The following SRGAP1 variants were observed in gnomAD, a reference collection of about 807,000 sequenced individuals.
The protein encoded by SRGAP1 is SLIT-ROBO Rho GTPase-activating protein 1.
A neutral mutation model predicts 121.9 loss-of-function variants in SRGAP1; 43 were observed. The observed-to-expected ratio is 0.35, with a 90% CI of 0.28 to 0.46. The LOEUF (loss-of-function observed/expected upper bound fraction) is 0.46, where lower values mean the gene tolerates loss of function less well. Ranked by LOEUF, SRGAP1 falls within the 20% of genes least tolerant of loss-of-function variation. The pLI, the probability that SRGAP1 is intolerant of heterozygous loss-of-function variation, is 1.00. For missense variants in SRGAP1, 1,102 were observed against 1,350.9 expected (o/e 0.82, Z 2.89); for synonymous variants, 447 against 485.4 (o/e 0.92, Z 1.04).
intron 1 of SRGAP1, among the ~76,000 whole-genome samples, chr12:63,877,746 T>C (rs1355335808): frequency 6.6e-6 from 1 of 152,252 alleles, no homozygotes; most frequent in African/African-American, 2.4e-5. Context: ...CAGAGAGTGT[T>C]GAGACCAAAT....
chr12:64,108,627 T>C, intron 15 of SRGAP1: 1 of 204,782 alleles, frequency 4.9e-6, no homozygotes, highest in East Asian at 1.1e-4. Flanking sequence ...GTTGAAATCA[T>C]ATCAGATGCA....
At chr12:63,980,006 C>T (rs998299862) in intron 1 of SRGAP1, among the ~76,000 whole-genome samples, 3 of 152,212 alleles carry the variant, frequency 2.0e-5, no homozygotes, top group African/African-American at 4.8e-5. Context: ...GGCCCCATGG[C>T]AGGATTCATG....
In SRGAP1 at chr12:64,016,452, G is replaced by A. The variant is rs183644750; in HGVS notation, c.427-498G>A. On this transcript the variant is annotated intron_variant, in intron 3 of 21. Transcript: ENST00000355086. ...CGGTGAGCTGTGAGCATGCCACCGC[G>A]CTGCAGCCTGGGTGACAGAGCGAGA... Among the ~76,000 whole-genome samples the A allele has an allele frequency of 1.4e-3, 208 of 152,194 alleles. 1 individual carries two copies. The highest frequency in any genetic ancestry group is 4.9e-3 in the African/African-American group (202 of 41,520).
intron 21 of SRGAP1, among the ~76,000 whole-genome samples, chr12:64,129,913 G>A (rs551254792): frequency 1.3e-5 from 2 of 152,328 alleles, no homozygotes; most frequent in African/African-American, 4.8e-5. Flanking sequence ...TGGTATTGAT[G>A]ACTACCTTCT....
chr12:64,072,108 C>CTGTGTGTGTGTGTGTGTGTGTGTGTGTG (rs66959510), intron 8 of SRGAP1, among the ~76,000 whole-genome samples: 1 of 80,366 alleles, frequency 1.2e-5, no homozygotes, highest in Admixed American at 1.5e-4. Flanking sequence ...CAATCTCTCT[C>CTGTGTGTGTGTGTGTGTGTGTGTGTGTG]TGTGTGTGTG....
In SRGAP1 at chr12:64,043,555, G is replaced by C; in HGVS notation, c.781G>C (p.Asp261His). ...CTCAGTTTTCAAGTACTATATTCATGATCTTTCTGATTTAATTGATGTGAG... is the reference window on the plus strand; with the variant it reads ...CTCAGTTTTCAAGTACTATATTCATCATCTTTCTGATTTAATTGATGTGAG... The part of the protein sequence containing the change: ...NASVFKYYIH[D>H]LSDLIDCCDL... The change falls in exon 6 of 22, where the codon GAT (aspartate) becomes CAT (histidine). Residue 261 changes from aspartate to histidine, a missense_variant. Physicochemically the swap from Asp to His is moderately conservative, Grantham distance 81 (BLOSUM62 -1). Coordinates refer to ENST00000355086, the MANE Select transcript of SRGAP1 (RefSeq NM_020762.4). 6.2e-7 allele frequency: 1 copy of C among 1,607,424 alleles called. No individual in the cohort carries two copies. The highest frequency in any genetic ancestry group is 8.5e-7 in the Non-Finnish European group (1 of 1,177,434).
intron 1 of SRGAP1, among the ~76,000 whole-genome samples, chr12:63,954,688 A>AAAAAAAAGAAAAG (rs57230527): frequency 3.1e-5 from 4 of 130,220 alleles, no homozygotes; most frequent in Non-Finnish European, 6.4e-5. Context: ...AAAAAAAAAA[A>AAAAAAAAGAAAAG]AAAAGAAAAG....
At chr12:64,062,063 A>G (rs938744327) in intron 6 of SRGAP1, among the ~76,000 whole-genome samples, 3 of 152,174 alleles carry the variant, frequency 2.0e-5, no homozygotes, top group African/African-American at 7.2e-5. Flanking sequence ...TTGCTGAGTC[A>G]TATGGTAACT....
intron 1 of SRGAP1, among the ~76,000 whole-genome samples, chr12:63,914,621 G>A (rs548003111): frequency 3.3e-5 from 5 of 152,156 alleles, no homozygotes; most frequent in Admixed American, 1.3e-4. Flanking sequence ...ACTGATTTAC[G>A]TTACTGTAAT....
At chr12:64,013,663 T>C (rs2034318870) in intron 3 of SRGAP1, among the ~76,000 whole-genome samples, 1 of 152,216 alleles carries the variant, frequency 6.6e-6, no homozygotes, top group African/African-American at 2.4e-5. Flanking sequence ...ATCAGTTACA[T>C]ATACCTTATT....
At chr12:63,949,081 T>TTTTCCATATATGA (rs2032176849) in intron 1 of SRGAP1, among the ~76,000 whole-genome samples, 1 of 80,422 alleles carries the variant, frequency 1.2e-5, no homozygotes, top group African/African-American at 4.0e-5. Context: ...TCCATATATG[T>TTTTCCATATATGA]ATTTTCCATA....
chr12:64,139,614 T>G (rs1045700109), intron 21 of SRGAP1, among the ~76,000 whole-genome samples: 10 of 151,974 alleles, frequency 6.6e-5, no homozygotes, highest in Admixed American at 2.0e-4. Context: ...TAAATTTGTT[T>G]GAGTTCATTG....
chr12:63,955,720 A>AG (rs199522750), intron 1 of SRGAP1, among the ~76,000 whole-genome samples: 1 of 152,020 alleles, frequency 6.6e-6, no homozygotes, highest in Non-Finnish European at 1.5e-5. Context: ...AAAAAAAAAA[A>AG]CAAGCTTTTG....
intron 4 of SRGAP1, among the ~76,000 whole-genome samples, chr12:64,020,859 A>G (rs552220992): frequency 2.0e-5 from 3 of 150,804 alleles, no homozygotes; most frequent in African/African-American, 7.4e-5. Context: ...AAAAAAAAAA[A>G]AAAGAAAAGA....
chr12:63,925,231 A>G (rs752699241), intron 1 of SRGAP1, among the ~76,000 whole-genome samples: 21 of 152,332 alleles, frequency 1.4e-4, no homozygotes, highest in Middle Eastern at 3.4e-3. Context: ...TTCATATTCA[A>G]GGTGAATCTA....
intron 2 of SRGAP1, among the ~76,000 whole-genome samples, chr12:63,989,125 A>G (rs1207100172): frequency 1.3e-5 from 2 of 152,212 alleles, no homozygotes; most frequent in East Asian, 1.9e-4. Context: ...AATTTTTTAA[A>G]AAGTAATTTT....
Position 63,968,435 on chromosome 12 carries a change from A to G in SRGAP1, c.68-15512A>G, listed in dbSNP as rs148378890. Among the ~76,000 whole-genome samples the G allele has an allele frequency of 3.7e-3, 561 of 152,286 alleles. 4 individuals are homozygous for G. Among genetic ancestry groups the G allele is most frequent in the African/African-American group, 0.013 (537 of 41,560 alleles). On this transcript the variant is annotated intron_variant, in intron 1 of 21. Coordinates refer to ENST00000355086, the MANE Select transcript of SRGAP1 (RefSeq NM_020762.4). Reference sequence around the variant, plus strand: ...CATAACTGCATCATACCTCCTACACAGTGGCCATTATCTGGAGGTTGGTGG... The same window carrying G: ...CATAACTGCATCATACCTCCTACACGGTGGCCATTATCTGGAGGTTGGTGG...
At chr12:63,903,526 G>A (rs1369772948) in intron 1 of SRGAP1, among the ~76,000 whole-genome samples, 4 of 151,140 alleles carry the variant, frequency 2.6e-5, no homozygotes, top group Admixed American at 6.6e-5. Context: ...GATAACAGGC[G>A]TGAGCCACCG....
intron 1 of SRGAP1, among the ~76,000 whole-genome samples, chr12:63,915,719 C>A (rs1349854062): frequency 6.6e-6 from 1 of 152,180 alleles, no homozygotes; most frequent in African/African-American, 2.4e-5. Context: ...TTTCTCTCTT[C>A]ACCTTCAATG....
Sources: allele counts gnomAD v4.1 joint callset (sites outside exome capture counted in the v4.1 genomes callset), GRCh38; gene constraint gnomAD v4.1.1; transcripts MANE v1.5; gene names NCBI Gene and HGNC (gene_info 2026-07-23, HGNC 2026-07-21).